Variants in ANKFN1 observed in about 807,000 individuals in gnomAD.
ANKFN1 encodes the protein ankyrin repeat and fibronectin type-III domain-containing protein 1.
ANKFN1 carries 74 observed loss-of-function variants against 108.7 expected under a neutral mutation model. The ratio of observed to expected loss-of-function variants is 0.68; its 90% confidence interval spans 0.56 to 0.83. The LOEUF (loss-of-function observed/expected upper bound fraction) is 0.83, where lower values mean the gene tolerates loss of function less well. Ranked by LOEUF, ANKFN1 falls within the 40% of genes least tolerant of loss-of-function variation. ANKFN1 has a pLI of 0.00. For synonymous variants in ANKFN1, 547 were observed against 516.2 expected, an observed-to-expected ratio of 1.06 and a Z score of -0.81; for missense variants, 1,505 against 1,382.3, an observed-to-expected ratio of 1.09 and a Z score of -1.41.
At chr17:56,156,204 C>T (rs117091119) in intron 1 of ANKFN1, among the ~76,000 whole-genome samples, 2,378 of 151,958 alleles carry the variant, frequency 0.016, 26 homozygotes, top group Non-Finnish European at 0.026. Context: ...CTCAACCTCT[C>T]GAGTAGTTGG....
chr17:56,426,828 T>C (rs960600551), intron 8 of ANKFN1, among the ~76,000 whole-genome samples: 1 of 152,234 alleles, frequency 6.6e-6, no homozygotes, highest in Non-Finnish European at 1.5e-5. Context: ...TGGAGATTTA[T>C]GTCTCAACAT....
rs202057783 is a variant in ANKFN1 at position 56,360,433 on chromosome 17, C to T, written c.601+6387C>T. Among the ~76,000 whole-genome samples the T allele has an allele frequency of 2.6e-5, 4 of 152,304 alleles. No individual in the cohort carries two copies. In the East Asian group the frequency reaches 7.7e-4, roughly 29 times the overall value. On this transcript the variant is annotated intron_variant, in intron 6 of 20. Coordinates refer to ENST00000682825, the MANE Select transcript of ANKFN1 (RefSeq NM_001370326.1). ...AGTCCAAAGTCTAAAATGACATTTTCTCATCACATCACTCTCTTGTCATTT... is the reference window on the plus strand; with the variant it reads ...AGTCCAAAGTCTAAAATGACATTTTTTCATCACATCACTCTCTTGTCATTT...
intron 3 of ANKFN1, among the ~76,000 whole-genome samples, chr17:56,317,625 T>A (rs1447307814): frequency 6.6e-6 from 1 of 152,212 alleles, no homozygotes; most frequent in Non-Finnish European, 1.5e-5. Flanking sequence ...GGCTTGCTGT[T>A]GTTATTTTTA....
At chr17:56,201,037 C>T (rs186150583) in intron 1 of ANKFN1, among the ~76,000 whole-genome samples, 87 of 152,300 alleles carry the variant, frequency 5.7e-4, no homozygotes, top group African/African-American at 2.0e-3. Context: ...GTGGAGCCCT[C>T]ACAGTCCAAT....
At chr17:56,129,106 T>G (rs1345417948) in intron 4 of ANKFN1, among the ~76,000 whole-genome samples, 1 of 152,220 alleles carries the variant, frequency 6.6e-6, no homozygotes, top group East Asian at 1.9e-4. Context: ...GAAAAATCTA[T>G]TAATTTTAAG....
At chr17:56,148,538 T>C (rs2143427426), upstream of ANKFN1, among the ~76,000 whole-genome samples, 1 of 152,312 alleles carries the variant, frequency 6.6e-6, no homozygotes, top group Middle Eastern at 3.4e-3. Flanking sequence ...AGGTTGAGCA[T>C]GTTCTAGTCG....
intron 1 of ANKFN1, among the ~76,000 whole-genome samples, chr17:56,165,953 A>C (rs1910097930): frequency 6.6e-6 from 1 of 152,050 alleles, no homozygotes; most frequent in Non-Finnish European, 1.5e-5. Context: ...GAATTTACCT[A>C]ACCCTTCCCT....
At chr17:56,088,295 T>C (rs546515754) in intron 4 of ANKFN1, among the ~76,000 whole-genome samples, 1 of 151,466 alleles carries the variant, frequency 6.6e-6, no homozygotes, top group Non-Finnish European at 1.5e-5. Context: ...GAAACAATTT[T>C]AGAGGAATGA....
chr17:56,513,227 A>G lies in ANKFN1; in HGVS notation c.*1958A>G, dbSNP rs1417146762. 6.6e-6 allele frequency among the ~76,000 whole-genome samples: 1 copy of G among 152,158 alleles called. No homozygotes were observed. Among genetic ancestry groups the G allele is most frequent in the East Asian group, 1.9e-4 (1 of 5,196 alleles). On this transcript the variant is annotated 3_prime_UTR_variant, in exon 21 of 21. Coordinates refer to ENST00000682825, the MANE Select transcript of ANKFN1 (RefSeq NM_001370326.1). Reference sequence around the variant, plus strand: ...ACCTCTTGATTGTTATCTACAGGGAATCTCCTATTTTGTAGATCATCTACC... The same window carrying G: ...ACCTCTTGATTGTTATCTACAGGGAGTCTCCTATTTTGTAGATCATCTACC...
chr17:56,203,882 A>T (rs1434960455), intron 1 of ANKFN1, among the ~76,000 whole-genome samples: 1 of 152,182 alleles, frequency 6.6e-6, no homozygotes, highest in Non-Finnish European at 1.5e-5. Context: ...AAAAAGATAT[A>T]ACTAGCAAAG....
At chr17:56,366,439 G>A (rs1424699408) in intron 6 of ANKFN1, among the ~76,000 whole-genome samples, 1 of 152,146 alleles carries the variant, frequency 6.6e-6, no homozygotes, top group Non-Finnish European at 1.5e-5. Flanking sequence ...TAATTGTACA[G>A]TGTTTATGAA....
At chr17:56,465,050 C>G (rs1303894474) in intron 14 of ANKFN1, among the ~76,000 whole-genome samples, 2 of 152,174 alleles carry the variant, frequency 1.3e-5, no homozygotes, top group African/African-American at 4.8e-5. Flanking sequence ...AGTATTTACA[C>G]CACAGAAACC....
At chr17:56,127,636 CA>C (rs888300676) in intron 4 of ANKFN1, among the ~76,000 whole-genome samples, 2 of 152,154 alleles carry the variant, frequency 1.3e-5, no homozygotes, top group Non-Finnish European at 2.9e-5. Context: ...TTCTATCAGA[CA>C]AAAAACACAG....
chr17:56,236,123 T>G (rs958686163), intron 3 of ANKFN1, among the ~76,000 whole-genome samples: 2 of 152,070 alleles, frequency 1.3e-5, no homozygotes, highest in African/African-American at 4.8e-5. Context: ...AGTGGCATGA[T>G]CTTGGCTCAC....
chr17:56,367,009 AG>A (rs1474219338), intron 6 of ANKFN1, among the ~76,000 whole-genome samples: 1 of 152,192 alleles, frequency 6.6e-6, no homozygotes, highest in East Asian at 1.9e-4. Flanking sequence ...GAGGTAACTG[AG>A]GTTGGTTGTA....
intron 4 of ANKFN1, among the ~76,000 whole-genome samples, chr17:56,346,185 G>A (rs2046094565): frequency 6.6e-6 from 1 of 152,066 alleles, no homozygotes; most frequent in African/African-American, 2.4e-5. Context: ...GTTTGTTGAA[G>A]ATCAGATGGT....
intron 8 of ANKFN1, among the ~76,000 whole-genome samples, chr17:56,438,760 C>T (rs1011362994): frequency 5.5e-4 from 84 of 152,134 alleles, no homozygotes; most frequent in African/African-American, 2.0e-3. Flanking sequence ...GAAGGAAGTT[C>T]GAGCTCAAGG....
intron 3 of ANKFN1, among the ~76,000 whole-genome samples, chr17:56,285,278 CTT>C (rs939174447): frequency 6.6e-6 from 1 of 152,096 alleles, no homozygotes; most frequent in Non-Finnish European, 1.5e-5. Context: ...CTCCTAAAGA[CTT>C]ATTCCCTGGA....
At chr17:56,186,696 C>T (rs1004644648) in intron 1 of ANKFN1, among the ~76,000 whole-genome samples, 1 of 152,210 alleles carries the variant, frequency 6.6e-6, no homozygotes, top group Non-Finnish European at 1.5e-5. Context: ...TCACATACAG[C>T]CTGATTCAGG....
Sources: allele counts gnomAD v4.1 joint callset (sites outside exome capture counted in the v4.1 genomes callset), GRCh38; gene constraint gnomAD v4.1.1; transcripts MANE v1.5; gene names NCBI Gene and HGNC (gene_info 2026-07-23, HGNC 2026-07-21).